The following DCC variants were observed in gnomAD, a reference collection of about 807,000 sequenced individuals.
DCC encodes the protein DCC netrin 1 receptor.
A neutral mutation model predicts 172.5 loss-of-function variants in DCC; 58 were observed. The ratio of observed to expected loss-of-function variants is 0.34; its 90% CI spans 0.27 to 0.42. The LOEUF (loss-of-function observed/expected upper bound fraction) is 0.42. Ranked by LOEUF, DCC falls within the 10% of genes least tolerant of loss-of-function variation. DCC has a pLI of 1.00. For missense variants in DCC, 1,740 were observed against 1,791.0 expected (o/e 0.97, Z 0.51); for synonymous variants, 709 against 644.5 (o/e 1.10, Z -1.52).
At chr18:52,652,891 G>C (rs564903599) in intron 1 of DCC, among the ~76,000 whole-genome samples, 5 of 152,202 alleles carry the variant, frequency 3.3e-5, no homozygotes, top group Admixed American at 6.5e-5. Context: ...AGTATCCAGA[G>C]CTTTCCCCCA....
At chr18:52,558,407 C>T (rs1290419425) in intron 1 of DCC, among the ~76,000 whole-genome samples, 1 of 152,100 alleles carries the variant, frequency 6.6e-6, no homozygotes, top group East Asian at 1.9e-4. Flanking sequence ...GTTTTCTATA[C>T]ATACATATTA....
intron 1 of DCC, among the ~76,000 whole-genome samples, chr18:52,689,680 T>G (rs577980988): frequency 1.3e-5 from 2 of 152,182 alleles, no homozygotes; most frequent in African/African-American, 2.4e-5. Context: ...AAATGCAAAT[T>G]AGAAAATATA....
intron 1 of DCC, among the ~76,000 whole-genome samples, chr18:52,646,340 C>T (rs1330389669): frequency 1.3e-5 from 2 of 152,194 alleles, no homozygotes; most frequent in African/African-American, 4.8e-5. Context: ...ACTCCCAACA[C>T]AATGTGTGGT....
chr18:52,492,383 A>G (rs774059096), intron 1 of DCC, among the ~76,000 whole-genome samples: 5 of 151,948 alleles, frequency 3.3e-5, no homozygotes, highest in Non-Finnish European at 5.9e-5. Flanking sequence ...GGTGTGGGAG[A>G]CATGATGGAG....
chr18:52,965,047 T>C (rs1456210436), intron 5 of DCC: 1 of 152,138 alleles, frequency 6.6e-6, no homozygotes, highest in Non-Finnish European at 1.5e-5. Flanking sequence ...TGTGTTTACA[T>C]TGAGGCCACC....
chr18:52,696,598 G>A (rs979234454), intron 1 of DCC, among the ~76,000 whole-genome samples: 3 of 152,208 alleles, frequency 2.0e-5, no homozygotes, highest in African/African-American at 2.4e-5. Context: ...TCTCTCTTGA[G>A]AGGAGATGCA....
chr18:53,436,389 A>G (rs542078527), intron 22 of DCC, among the ~76,000 whole-genome samples: 35 of 152,222 alleles, frequency 2.3e-4, no homozygotes, highest in Non-Finnish European at 4.7e-4. Flanking sequence ...TACTGAACTG[A>G]TAAATTTCCA....
At chr18:53,239,291 G>A (rs1016792646) in intron 12 of DCC, among the ~76,000 whole-genome samples, 11 of 150,658 alleles carry the variant, frequency 7.3e-5, no homozygotes, top group Non-Finnish European at 3.0e-5. Context: ...GAAACTGGAG[G>A]GAAGAAAAAC....
At chr18:53,112,095 AAAAC>A (rs1238091573) in intron 7 of DCC, among the ~76,000 whole-genome samples, 1 of 151,526 alleles carries the variant, frequency 6.6e-6, no homozygotes, top group East Asian at 2.0e-4. Context: ...GGGGTAAAAA[AAAAC>A]AAATCAAAAC....
At chr18:53,165,780 G>C (rs1408667516) in intron 8 of DCC, among the ~76,000 whole-genome samples, 2 of 152,146 alleles carry the variant, frequency 1.3e-5, no homozygotes, top group Non-Finnish European at 2.9e-5. Flanking sequence ...AAATAGAAGA[G>C]AACCCAGCAG....
At chr18:52,452,962 G>A (rs903939094) in intron 1 of DCC, among the ~76,000 whole-genome samples, 2 of 152,218 alleles carry the variant, frequency 1.3e-5, no homozygotes, top group Non-Finnish European at 2.9e-5. Flanking sequence ...AACAGAATTA[G>A]CATTTTGAAA....
intron 1 of DCC, among the ~76,000 whole-genome samples, chr18:52,498,389 C>T (rs1211030507): frequency 6.6e-6 from 1 of 152,046 alleles, no homozygotes; most frequent in East Asian, 1.9e-4. Context: ...TTTGGGGGGC[C>T]AAGGTGGGTG....
intron 1 of DCC, among the ~76,000 whole-genome samples, chr18:52,347,723 A>G (rs1983940010): frequency 6.6e-6 from 1 of 152,126 alleles, no homozygotes; most frequent in Non-Finnish European, 1.5e-5. Context: ...AATTAGTTTT[A>G]ACTAATGATT....
At chr18:52,927,762 G>C (rs952953098) in intron 5 of DCC, among the ~76,000 whole-genome samples, 2 of 152,074 alleles carry the variant, frequency 1.3e-5, no homozygotes, top group Non-Finnish European at 2.9e-5. Context: ...AAAAATAACA[G>C]ATATTGCCGG....
chr18:53,023,311 T>C, intron 5 of DCC, among the ~76,000 whole-genome samples: 1 of 136,222 alleles, frequency 7.3e-6, no homozygotes, highest in Non-Finnish European at 1.6e-5. Flanking sequence ...TGTTTTCTTA[T>C]AAGACCCTAA....
At chr18:52,344,807 AAAGAT>A in intron 1 of DCC, among the ~76,000 whole-genome samples, 1 of 152,234 alleles carries the variant, frequency 6.6e-6, no homozygotes, top group South Asian at 2.1e-4. Flanking sequence ...TTCTACCAGT[AAAGAT>A]AACTATTTAA....
intron 9 of DCC, 133 bp from the exon 10 acceptor site, chr18:53,205,083 A>T (rs2055603359): frequency 2.8e-6 from 2 of 701,942 alleles, no homozygotes; most frequent in South Asian, 3.3e-5. Context: ...TTATATTCTT[A>T]TTCCATATTA....
chr18:52,901,904 A>G (rs576750938), intron 2 of DCC, among the ~76,000 whole-genome samples: 24 of 152,338 alleles, frequency 1.6e-4, no homozygotes, highest in African/African-American at 5.8e-4. Flanking sequence ...TTATTTATAC[A>G]CTTAACTTTT....
chr18:53,348,068 C>T (rs990302466), intron 15 of DCC, among the ~76,000 whole-genome samples: 1 of 152,110 alleles, frequency 6.6e-6, no homozygotes, highest in South Asian at 2.1e-4. Context: ...TCCCAGCAGT[C>T]CCCCAAAGTC....
Sources: gnomAD v4.1 joint callset for allele counts (sites outside exome capture counted in the v4.1 genomes callset) on GRCh38, gnomAD v4.1.1 for gene constraint, MANE v1.5 for transcripts, NCBI Gene and HGNC (gene_info 2026-07-23, HGNC 2026-07-21) for gene names.